DIAPH2: variants seen among roughly 807,000 people sequenced by gnomAD.
The protein encoded by DIAPH2 is protein diaphanous homolog 2.
DIAPH2 carries 35 observed loss-of-function variants against 92.7 expected under a neutral mutation model. The ratio of observed to expected loss-of-function variants is 0.38; its 90% CI spans 0.29 to 0.50. The LOEUF (loss-of-function observed/expected upper bound fraction) is 0.50, where lower values mean the gene tolerates loss of function less well. Ranked by LOEUF, DIAPH2 falls within the 20% of genes least tolerant of loss-of-function variation. The pLI is 0.94. For missense variants in DIAPH2, 701 were observed against 819.5 expected, an observed-to-expected ratio of 0.86 and a Z score of 1.77; for synonymous variants, 301 against 280.4, an observed-to-expected ratio of 1.07 and a Z score of -0.73.
At chrX:97,165,540 C>T (rs759491691) in intron 22 of DIAPH2, among the ~76,000 whole-genome samples, 1 of 111,278 alleles carries the variant, frequency 9.0e-6, no homozygotes, top group East Asian at 2.8e-4. Context: ...GTCACCTAGG[C>T]TGGAGTGCAG....
intron 26 of DIAPH2, among the ~76,000 whole-genome samples, chrX:97,477,512 G>A (rs1042932178): frequency 1.8e-4 from 20 of 111,449 alleles, no homozygotes; most frequent in African/African-American, 5.9e-4. Context: ...GGCTGAGGCA[G>A]GAGAATGGCT....
At chrX:97,081,190 G>A (rs2066741553) in intron 19 of DIAPH2, among the ~76,000 whole-genome samples, 1 of 111,808 alleles carries the variant, frequency 8.9e-6, no homozygotes, top group Admixed American at 9.4e-5. Flanking sequence ...TGCTTTTGCA[G>A]TCTGAAAATT....
chrX:97,477,613 T>C (rs752593042), intron 26 of DIAPH2, among the ~76,000 whole-genome samples: 33 of 49,083 alleles, frequency 6.7e-4, no homozygotes, highest in African/African-American at 2.1e-3. Flanking sequence ...TAAAAAAAAA[T>C]CTATCTATCT....
At chrX:97,034,447 A>G (rs2066396561) in intron 17 of DIAPH2, among the ~76,000 whole-genome samples, 1 of 109,453 alleles carries the variant, frequency 9.1e-6, no homozygotes, top group Non-Finnish European at 1.9e-5. Context: ...AGTGGAAATC[A>G]ATGTGGAATT....
intron 4 of DIAPH2, among the ~76,000 whole-genome samples, chrX:96,785,362 G>A (rs1195115286): frequency 9.1e-6 from 1 of 110,181 alleles, no homozygotes; most frequent in Non-Finnish European, 1.9e-5. Flanking sequence ...GAAGGTGATG[G>A]AATTTCGTGA....
intron 24 of DIAPH2, among the ~76,000 whole-genome samples, chrX:97,361,061 T>C (rs1301817367): frequency 9.6e-6 from 1 of 104,697 alleles, no homozygotes; most frequent in East Asian, 3.0e-4. Context: ...TTTTTTTTTT[T>C]TTTTTTCTTT....
chrX:97,352,027 G>A (rs1260360353), intron 24 of DIAPH2, among the ~76,000 whole-genome samples: 1 of 110,708 alleles, frequency 9.0e-6, no homozygotes, highest in Non-Finnish European at 1.9e-5. Flanking sequence ...TGAAAGATTG[G>A]CAAAAATTGT....
At chrX:97,338,858 G>A (rs1275365684) in intron 23 of DIAPH2, among the ~76,000 whole-genome samples, 1 of 111,630 alleles carries the variant, frequency 9.0e-6, no homozygotes, top group Non-Finnish European at 1.9e-5. Context: ...ATGATAAACA[G>A]TTTTCTACAC....
intron 4 of DIAPH2, among the ~76,000 whole-genome samples, chrX:96,836,717 A>ATATATATATT (rs2064894108): frequency 1.1e-4 from 2 of 18,903 alleles, no homozygotes; most frequent in Non-Finnish European, 1.7e-4. Flanking sequence ...ATATATATAT[A>ATATATATATT]TTTTTTTTTT....
At chrX:96,815,977 A>G (rs1211255576) in intron 4 of DIAPH2, among the ~76,000 whole-genome samples, 1 of 111,440 alleles carries the variant, frequency 9.0e-6, no homozygotes, top group Non-Finnish European at 1.9e-5. Flanking sequence ...GGCCTGAACA[A>G]CAACTCTTGT....
At chrX:97,557,625 A>G (rs1418857943) in intron 26 of DIAPH2, among the ~76,000 whole-genome samples, 1 of 112,634 alleles carries the variant, frequency 8.9e-6, no homozygotes, top group African/African-American at 3.2e-5. Flanking sequence ...AAGTAGTAGT[A>G]TAAAACGAAG....
At chrX:97,139,384 A>G (rs1046024357) in intron 21 of DIAPH2, among the ~76,000 whole-genome samples, 3 of 108,191 alleles carry the variant, frequency 2.8e-5, no homozygotes, top group Non-Finnish European at 3.8e-5. Context: ...GAAAGGTTTA[A>G]AAGACCACCC....
At chrX:96,939,073 T>C (rs1405271280) in intron 11 of DIAPH2, among the ~76,000 whole-genome samples, 193 bp from the exon 12 acceptor site, 2 of 111,578 alleles carry the variant, frequency 1.8e-5, no homozygotes, top group South Asian at 3.7e-4. Flanking sequence ...GGTCTGTCTC[T>C]CTAGTTAAAA....
chrX:97,486,863 C>G (rs1391907215), intron 26 of DIAPH2, among the ~76,000 whole-genome samples: 2 of 110,854 alleles, frequency 1.8e-5, no homozygotes, highest in African/African-American at 6.5e-5. Flanking sequence ...CAATAGATCT[C>G]TAGAATTTAT....
chrX:97,189,661 G>T (rs2067636552), intron 22 of DIAPH2, among the ~76,000 whole-genome samples: 1 of 111,680 alleles, frequency 9.0e-6, no homozygotes, highest in Non-Finnish European at 1.9e-5. Flanking sequence ...GAAGAAAAAG[G>T]TTAAAAAATA....
At chrX:97,313,507 A>T (rs1264131304) in intron 23 of DIAPH2, among the ~76,000 whole-genome samples, 1 of 112,033 alleles carries the variant, frequency 8.9e-6, no homozygotes, top group Non-Finnish European at 1.9e-5. Context: ...ATATTCTTTC[A>T]TGACTTCCTC....
intron 17 of DIAPH2, among the ~76,000 whole-genome samples, chrX:97,048,559 C>G (rs1026025921): frequency 9.0e-6 from 1 of 110,904 alleles, no homozygotes; most frequent in Non-Finnish European, 1.9e-5. Flanking sequence ...AATAAGCAGT[C>G]TGTAGGAAGA....
At chrX:97,258,892 CA>C (rs2068266019) in intron 23 of DIAPH2, among the ~76,000 whole-genome samples, 1 of 74,147 alleles carries the variant, frequency 1.3e-5, no homozygotes, top group Admixed American at 1.5e-4. Context: ...AAAAAAAAAA[CA>C]ACAACAACAA....
intron 4 of DIAPH2, among the ~76,000 whole-genome samples, chrX:96,800,582 G>GTT (rs1441411859): frequency 8.9e-6 from 1 of 112,053 alleles, no homozygotes; most frequent in Non-Finnish European, 1.9e-5. Context: ...TCAAAGCTGG[G>GTT]TTTATAGCCT....
Sources: allele counts gnomAD v4.1 joint callset (sites outside exome capture counted in the v4.1 genomes callset), GRCh38; gene constraint gnomAD v4.1.1; transcripts MANE v1.5; gene names NCBI Gene and HGNC (gene_info 2026-07-23, HGNC 2026-07-21).